BFSP2: variants seen among roughly 807,000 people sequenced by gnomAD.
BFSP2 encodes beaded filament structural protein 2.
A neutral mutation model predicts 44.9 loss-of-function variants in BFSP2; 38 were observed. The ratio of observed to expected loss-of-function variants is 0.85; its 90% confidence interval spans 0.65 to 1.11. The LOEUF is 1.11. Ranked by LOEUF, BFSP2 falls within the 50% of genes least tolerant of loss-of-function variation. The probability of loss-of-function intolerance (pLI) is 0.00; values close to 1 mark genes in which losing one functional copy is unlikely to be tolerated. For synonymous variants in BFSP2, 197 were observed against 209.9 expected, an observed-to-expected ratio of 0.94 and a Z score of 0.53; for missense variants, 525 against 533.0, an observed-to-expected ratio of 0.99 and a Z score of 0.15.
At chr3:133,454,494 G>A (rs1185406357) in intron 4 of BFSP2, among the ~76,000 whole-genome samples, 1 of 152,122 alleles carries the variant, frequency 6.6e-6, no homozygotes, top group East Asian at 1.9e-4. Flanking sequence ...AGATCCCACA[G>A]GTTAAGGGCT....
intron 5 of BFSP2, among the ~76,000 whole-genome samples, chr3:133,469,730 C>A (rs1221613646): frequency 6.6e-6 from 1 of 152,242 alleles, no homozygotes; most frequent in Non-Finnish European, 1.5e-5. Context: ...GAGAACCAGG[C>A]ATCCTCTCTT....
chr3:133,401,724 G>T (rs1424563632), intron 1 of BFSP2, among the ~76,000 whole-genome samples: 1 of 152,122 alleles, frequency 6.6e-6, no homozygotes, highest in Non-Finnish European at 1.5e-5. Flanking sequence ...AACCCACCAG[G>T]GACTGCCAAC....
intron 1 of BFSP2, among the ~76,000 whole-genome samples, chr3:133,419,559 C>A (rs1343537685): frequency 6.6e-6 from 1 of 152,228 alleles, no homozygotes; most frequent in Non-Finnish European, 1.5e-5. Context: ...TGAGTTCAGA[C>A]TTTGGGATGT....
chr3:133,417,104 C>G (rs2073542603), intron 1 of BFSP2, among the ~76,000 whole-genome samples: 1 of 145,406 alleles, frequency 6.9e-6, no homozygotes, highest in Non-Finnish European at 1.5e-5. Flanking sequence ...CTCCCCTCTA[C>G]TCACCCCTGC....
At chr3:133,467,884 G>T (rs2074126871) in intron 5 of BFSP2, among the ~76,000 whole-genome samples, 1 of 152,134 alleles carries the variant, frequency 6.6e-6, no homozygotes, top group East Asian at 1.9e-4. Flanking sequence ...ATAAGAAAAG[G>T]ATCTGAGGAT....
At chr3:133,424,221 T>TGTGTGTGTGTGTGTGTGTGTGTGTG (rs879768397) in intron 1 of BFSP2, among the ~76,000 whole-genome samples, 2 of 105,466 alleles carry the variant, frequency 1.9e-5, no homozygotes, top group Non-Finnish European at 3.6e-5. Flanking sequence ...AATTTTTTTT[T>TGTGTGTGTGTGTGTGTGTGTGTGTG]TTTTTTTTTT....
rs554409580 is a variant in BFSP2, at chr3:133,430,761, G to A, written c.490-16556G>A. Among the ~76,000 whole-genome samples, 989 of 152,108 alleles carry A rather than the reference G, an allele frequency of 6.5e-3. 11 individuals carry two copies. The highest frequency in any genetic ancestry group is 0.022 in the African/African-American group (931 of 41,478). ...CTCAGTCCCAACCCCAAGCGTCGCT[G>A]AGTCTTTCTAATCTTCCTTTTCTAC... On this transcript the variant is annotated intron_variant, in intron 1 of 6. Transcript: ENST00000302334.
intron 1 of BFSP2, among the ~76,000 whole-genome samples, chr3:133,417,286 C>A (rs1317226834): frequency 6.8e-6 from 1 of 146,284 alleles, no homozygotes; most frequent in Non-Finnish European, 1.5e-5. Context: ...TTGCCCTCTC[C>A]CTTCTGCTCA....
intron 1 of BFSP2, among the ~76,000 whole-genome samples, chr3:133,435,739 T>G (rs1404936679): frequency 1.3e-5 from 2 of 152,208 alleles, no homozygotes; most frequent in Admixed American, 1.3e-4. Flanking sequence ...GATGAATTTT[T>G]CCCTTGCAAA....
chr3:133,460,352 C>T (rs1358994094), intron 4 of BFSP2, among the ~76,000 whole-genome samples: 5 of 152,178 alleles, frequency 3.3e-5, no homozygotes, highest in Admixed American at 6.5e-5. Context: ...CATTCTGACT[C>T]CAGAATCCAC....
chr3:133,436,325 CAAAAAAA>C (rs57060416), intron 1 of BFSP2, among the ~76,000 whole-genome samples: 1 of 78,102 alleles, frequency 1.3e-5, no homozygotes, highest in Non-Finnish European at 2.7e-5. Context: ...GACTCTGTCT[CAAAAAAA>C]AAAAAAAAAA....
At chr3:133,463,037 G>T (rs1413288117) in intron 4 of BFSP2, among the ~76,000 whole-genome samples, 1 of 152,116 alleles carries the variant, frequency 6.6e-6, no homozygotes, top group Admixed American at 6.6e-5. Flanking sequence ...GACCGGGTGC[G>T]GTGGCTCACG....
At chr3:133,403,158 G>A (rs148709408) in intron 1 of BFSP2, among the ~76,000 whole-genome samples, 4 of 152,072 alleles carry the variant, frequency 2.6e-5, no homozygotes, top group African/African-American at 4.8e-5. Flanking sequence ...TCCACAACAC[G>A]CTGCCTTCAT....
At chr3:133,448,417 G>T in intron 2 of BFSP2, 72 bp from the exon 3 acceptor site, 1 of 1,576,484 alleles carries the variant, frequency 6.3e-7, no homozygotes, top group South Asian at 1.1e-5. Context: ...TTGGCCTGTT[G>T]GTAACATTTA....
chr3:133,432,942 C>T (rs973691545), intron 1 of BFSP2, among the ~76,000 whole-genome samples: 7 of 152,158 alleles, frequency 4.6e-5, no homozygotes, highest in Non-Finnish European at 8.8e-5. Context: ...CAGCGGCTGC[C>T]GCTGCTTTAA....
intron 1 of BFSP2, among the ~76,000 whole-genome samples, chr3:133,411,024 C>T (rs1249027715): frequency 6.6e-6 from 1 of 152,146 alleles, no homozygotes; most frequent in Admixed American, 6.5e-5. Context: ...TGTTAGCTCC[C>T]CTCTTGGGAA....
At chr3:133,467,004 ACT>A (rs10563564) in intron 5 of BFSP2, 45 bp downstream of exon 5, 188,674 of 1,607,622 alleles carry the variant, frequency 0.12, 11,634 homozygotes, top group East Asian at 0.23. Context: ...GCTAATTTTA[ACT>A]CTCTACTGTC....
At chr3:133,431,306 C>T (rs1383308094) in intron 1 of BFSP2, among the ~76,000 whole-genome samples, 1 of 152,190 alleles carries the variant, frequency 6.6e-6, no homozygotes, top group Non-Finnish European at 1.5e-5. Context: ...CACTCTGAGA[C>T]AAATCCCAGC....
intron 1 of BFSP2, among the ~76,000 whole-genome samples, chr3:133,426,331 G>A (rs1225489242): frequency 6.6e-6 from 1 of 152,152 alleles, no homozygotes; most frequent in Non-Finnish European, 1.5e-5. Context: ...TCCCAAAGAT[G>A]GAAGCACCTG....
Sources: allele counts gnomAD v4.1 joint callset (sites outside exome capture counted in the v4.1 genomes callset), GRCh38; gene constraint gnomAD v4.1.1; transcripts MANE v1.5; gene names NCBI Gene and HGNC (gene_info 2026-07-23, HGNC 2026-07-21).